The following DHRSX variants were observed in gnomAD, a reference collection of about 807,000 sequenced individuals.
DHRSX encodes the protein polyprenol dehydrogenase.
Under a neutral mutation model 34.0 loss-of-function variants are expected in DHRSX, and 31 were observed. The observed-to-expected ratio is 0.91, with a 90% CI of 0.69 to 1.23. The LOEUF is 1.23. Among genes scored for constraint, DHRSX ranks in the 50% most tolerant of loss-of-function variants. The probability of loss-of-function intolerance (pLI) is 0.00; values close to 1 mark genes in which losing one functional copy is unlikely to be tolerated. For synonymous variants in DHRSX, 201 were observed against 183.8 expected (o/e 1.09, Z -0.76); for missense variants, 414 against 428.1 (o/e 0.97, Z 0.29).
intron 1 of DHRSX, among the ~76,000 whole-genome samples, chrX:2,480,690 G>T (rs2044755527): frequency 1.3e-5 from 2 of 151,966 alleles, no homozygotes; most frequent in Non-Finnish European, 2.9e-5. Flanking sequence ...GTGGTGGTGT[G>T]CACCTGTAGT....
chrX:2,288,272 G>A (rs2041828501), intron 4 of DHRSX, among the ~76,000 whole-genome samples: 1 of 152,170 alleles, frequency 6.6e-6, no homozygotes, highest in Admixed American at 6.5e-5. Flanking sequence ...TTTTGCTCTT[G>A]TTGCCCAGAC....
At position 2,221,110 on chromosome X, in the gene DHRSX, G is replaced by T. The variant is rs1266464001; in HGVS notation, c.924C>A (p.Asn308Lys). 1.2e-6 allele frequency: 2 copies of T among 1,613,962 alleles called. No individual in the cohort carries two copies. Among genetic ancestry groups the T allele is most frequent in the Admixed American group, 1.7e-5 (1 of 60,008 alleles). The part of the protein sequence containing the change: ...KETKSLHVTY[N>K]QKLQQQLWSK... ...ACCACAGCTGCTGCTGCAGTTTCTG[G>T]TTGTAGGTGACGTGGAGGGACTTGG... is the stretch of plus-strand genomic sequence containing the variant. The change falls in exon 7 of 7, where the codon AAC becomes AAA. Residue 308 changes from asparagine to lysine, a missense_variant. Coordinates refer to ENST00000334651, the MANE Select transcript of DHRSX (RefSeq NM_145177.3).
chrX:2,444,402 G>A lies in DHRSX; in HGVS notation c.110-19098C>T, dbSNP rs182003570. 1.7e-3 allele frequency among the ~76,000 whole-genome samples: 259 copies of A among 152,312 alleles called. No homozygotes were observed. In the Middle Eastern group the frequency reaches 0.017, roughly 10 times the overall value. On this transcript the variant is annotated intron_variant, in intron 1 of 6. Coordinates refer to ENST00000334651, the MANE Select transcript of DHRSX (RefSeq NM_145177.3). ...GCACTTACGAGGACTCTTAGAGGCC[G>A]TGTTTAAGGGTCATTCATTATGCCC... is the stretch of plus-strand genomic sequence containing the variant.
chrX:2,351,585 A>G (rs1408303415), intron 3 of DHRSX, among the ~76,000 whole-genome samples: 1 of 152,176 alleles, frequency 6.6e-6, no homozygotes, highest in Non-Finnish European at 1.5e-5. Flanking sequence ...GGGGAGGGCC[A>G]TGCTATGCAC....
chrX:2,298,317 G>GTTTT (rs529844889), intron 3 of DHRSX, among the ~76,000 whole-genome samples: 1,887 of 123,612 alleles, frequency 0.015, 56 homozygotes, highest in African/African-American at 0.049. Flanking sequence ...CAGTTTTGGT[G>GTTTT]TTTTTTTTTT....
At chrX:2,323,640 G>C (rs1051387923) in intron 3 of DHRSX, among the ~76,000 whole-genome samples, 5 of 151,982 alleles carry the variant, frequency 3.3e-5, no homozygotes, top group South Asian at 4.2e-4. Flanking sequence ...ATGATGATGC[G>C]TACCTACAGC....
chrX:2,397,930 G>GCGCACACA (rs1556505705), intron 3 of DHRSX, among the ~76,000 whole-genome samples: 3 of 138,530 alleles, frequency 2.2e-5, no homozygotes, highest in African/African-American at 8.7e-5. Context: ...CTCAGAGCGC[G>GCGCACACA]CACACACACA....
chrX:2,237,607 C>G (rs558952081), intron 6 of DHRSX, among the ~76,000 whole-genome samples: 5 of 151,590 alleles, frequency 3.3e-5, no homozygotes, highest in Non-Finnish European at 5.9e-5. Flanking sequence ...CGGGTTCAAG[C>G]GATTCTCCTG....
At chrX:2,398,953 C>G (rs948085711) in intron 3 of DHRSX, among the ~76,000 whole-genome samples, 1 of 151,978 alleles carries the variant, frequency 6.6e-6, no homozygotes, top group Non-Finnish European at 1.5e-5. Flanking sequence ...CCCGGGTTCA[C>G]GCCATTCTCC....
chrX:2,268,878 T>G (rs1161372087), intron 4 of DHRSX, among the ~76,000 whole-genome samples: 1 of 152,266 alleles, frequency 6.6e-6, no homozygotes, highest in Non-Finnish European at 1.5e-5. Flanking sequence ...GCATTTTGAT[T>G]CATCTGTGGA....
chrX:2,309,253 G>C (rs1455424924), intron 3 of DHRSX, among the ~76,000 whole-genome samples: 2 of 152,102 alleles, frequency 1.3e-5, no homozygotes, highest in Middle Eastern at 3.2e-3. Context: ...GAACAGATAA[G>C]TGCCCTGATA....
intron 3 of DHRSX, among the ~76,000 whole-genome samples, chrX:2,373,492 G>C (rs1458055936): frequency 1.3e-5 from 2 of 152,124 alleles, no homozygotes; most frequent in Non-Finnish European, 2.9e-5. Context: ...CAGAATTAGG[G>C]GGTCTCTAGT....
intron 5 of DHRSX, chrX:2,261,376 C>G (rs753234726): frequency 1.3e-5 from 2 of 152,036 alleles, no homozygotes; most frequent in Admixed American, 6.6e-5. Context: ...TCTTATTAAG[C>G]GCATGAATCT....
intron 1 of DHRSX, chrX:2,489,420 G>C: frequency 6.2e-7 from 1 of 1,613,938 alleles, no homozygotes; most frequent in Non-Finnish European, 8.5e-7. Flanking sequence ...TTGATGTTGA[G>C]CGTGGTGTTC....
intron 3 of DHRSX, among the ~76,000 whole-genome samples, chrX:2,295,258 A>T (rs2041918508): frequency 6.6e-6 from 1 of 152,152 alleles, no homozygotes; most frequent in African/African-American, 2.4e-5. Context: ...AAAAAGGATG[A>T]GTTCATGTCC....
chrX:2,388,583 A>G (rs1052917471), intron 3 of DHRSX, among the ~76,000 whole-genome samples: 2 of 151,430 alleles, frequency 1.3e-5, no homozygotes, highest in Non-Finnish European at 2.9e-5. Flanking sequence ...GGGAGAATCA[A>G]TGTCTATTGT....
intron 1 of DHRSX, among the ~76,000 whole-genome samples, chrX:2,436,258 T>C (rs1266195192): frequency 6.6e-6 from 1 of 151,610 alleles, no homozygotes; most frequent in African/African-American, 2.4e-5. Context: ...ATAAAAACTA[T>C]GTGTTTTATG....
At chrX:2,448,463 A>G (rs2044169231) in intron 1 of DHRSX, among the ~76,000 whole-genome samples, 1 of 151,830 alleles carries the variant, frequency 6.6e-6, no homozygotes, top group African/African-American at 2.4e-5. Flanking sequence ...AGTAGATTTT[A>G]CATATTCTGA....
chrX:2,441,248 G>T (rs1370689605), intron 1 of DHRSX, among the ~76,000 whole-genome samples: 1 of 152,178 alleles, frequency 6.6e-6, no homozygotes, highest in Non-Finnish European at 1.5e-5. Flanking sequence ...GGAGCAAGAA[G>T]AACAAAGGCT....
Sources: gnomAD v4.1 joint callset for allele counts (sites outside exome capture counted in the v4.1 genomes callset) on GRCh38, gnomAD v4.1.1 for gene constraint, MANE v1.5 for transcripts, NCBI Gene and HGNC (gene_info 2026-07-23, HGNC 2026-07-21) for gene names.